Variants in NAA60 observed in about 807,000 individuals in gnomAD.
The protein encoded by NAA60 is N-alpha-acetyltransferase 60.
Under a neutral mutation model 26.1 loss-of-function variants are expected in NAA60, and 8 were observed. That is an observed-to-expected ratio of 0.31 (90% CI 0.18 to 0.55). The LOEUF (loss-of-function observed/expected upper bound fraction) is 0.55. Ranked by LOEUF, NAA60 falls within the 20% of genes least tolerant of loss-of-function variation. The pLI is 0.93. For missense variants in NAA60, 290 were observed against 311.3 expected (o/e 0.93, Z 0.51); for synonymous variants, 131 against 122.5 (o/e 1.07, Z -0.46).
At chr16:3,470,488 C>T (rs2036059361) in intron 2 of NAA60, among the ~76,000 whole-genome samples, 1 of 152,206 alleles carries the variant, frequency 6.6e-6, no homozygotes, top group Admixed American at 6.5e-5. Context: ...CCCACTTTTT[C>T]AGGACCTCTC....
At chr16:3,470,068 A>C (rs568487922) in intron 2 of NAA60, among the ~76,000 whole-genome samples, 4 of 152,272 alleles carry the variant, frequency 2.6e-5, no homozygotes, top group African/African-American at 9.6e-5. Flanking sequence ...TGGGCTCCAA[A>C]GTTAGTGGTT....
At chr16:3,482,459 A>G in intron 4 of NAA60, 43 bp from the exon 5 acceptor site, 2 of 1,495,178 alleles carry the variant, frequency 1.3e-6, no homozygotes, top group Middle Eastern at 1.7e-4. Flanking sequence ...TGAGCCGTGC[A>G]CCAGACGTGT....
Position 3,448,454 on chromosome 16 carries a change from G to A in NAA60, c.-76-17G>A. The A allele has an allele frequency of 6.5e-7, 1 of 1,535,032 alleles. No homozygotes were observed. The highest frequency in any genetic ancestry group is 8.7e-7 in the Non-Finnish European group (1 of 1,146,444). ...GCCAGGAGTGAAGTGATGGCCTTGTGTCTTTCTCCCCTGCAGCATACAGAA... is the reference window on the plus strand; with the variant it reads ...GCCAGGAGTGAAGTGATGGCCTTGTATCTTTCTCCCCTGCAGCATACAGAA... On this transcript the variant is annotated splice_polypyrimidine_tract_variant and intron_variant, in intron 1 of 7. Coordinates refer to ENST00000407558, the MANE Select transcript of NAA60 (RefSeq NM_001083601.3).
chr16:3,482,054 A>G (rs1404914548), intron 4 of NAA60, among the ~76,000 whole-genome samples: 1 of 152,072 alleles, frequency 6.6e-6, no homozygotes, highest in Non-Finnish European at 1.5e-5. Context: ...CTCCTCCAAG[A>G]TCACCTGGGG....
intron 2 of NAA60, chr16:3,457,843 G>C: frequency 2.4e-6 from 1 of 417,274 alleles, no homozygotes; most frequent in Non-Finnish European, 3.2e-6. Flanking sequence ...GAGGGACAGG[G>C]AAGGAGCCGG....
At chr16:3,449,043 T>C (rs1657831147) in intron 2 of NAA60, 1 of 152,420 alleles carries the variant, frequency 6.6e-6, no homozygotes, top group African/African-American at 2.4e-5. Context: ...AGAATTTCTT[T>C]TGTTAAAAAT....
chr16:3,480,706 C>G (rs1031081675), intron 4 of NAA60, among the ~76,000 whole-genome samples: 1 of 151,708 alleles, frequency 6.6e-6, no homozygotes, highest in Non-Finnish European at 1.5e-5. Flanking sequence ...AGTTCGAGAC[C>G]AGCCTGGCCA....
At position 3,473,707 on chromosome 16, in the gene NAA60, T is replaced by TTTGTTGTTG. The variant is rs199845048; in HGVS notation, c.-6-2482_-6-2474dup. ...GAGCCACCATGCTTGGCCCCAGCTTTTTGTTGTTGTTGTTGTTGTTGTTGT... is the reference window on the plus strand; with the variant it reads ...GAGCCACCATGCTTGGCCCCAGCTTTTTGTTGTTGTTGTTGTTGTTGTTGTTGTTGTTGT... On this transcript the variant is annotated intron_variant, in intron 2 of 7. Transcript: ENST00000407558. 2.7e-3 allele frequency among the ~76,000 whole-genome samples: 389 copies of TTTGTTGTTG among 145,902 alleles called. 2 individuals are homozygous for TTTGTTGTTG. Among genetic ancestry groups the TTTGTTGTTG allele is most frequent in the African/African-American group, 6.4e-3 (242 of 37,632 alleles).
rs779330460 is a variant in NAA60, at chr16:3,459,809, A to C, written c.-7+11269A>C. Among the ~76,000 whole-genome samples, 11 of 152,322 alleles carry C rather than the reference A, an allele frequency of 7.2e-5. No individual in the cohort carries two copies. In the East Asian group the frequency reaches 2.1e-3, roughly 29 times the overall value. On this transcript the variant is annotated intron_variant, in intron 2 of 7. Transcript: ENST00000407558. ...TTTAGCCTCTCCTGGTTGTAACTTGAAGTGACTTTGTTGCCGTGTTTGTTT... is the reference window on the plus strand; with the variant it reads ...TTTAGCCTCTCCTGGTTGTAACTTGCAGTGACTTTGTTGCCGTGTTTGTTT...
chr16:3,475,459 C>T lies in NAA60; in HGVS notation c.-6-763C>T, dbSNP rs993373777. On this transcript the variant is annotated intron_variant, in intron 2 of 7. Transcript: ENST00000407558. Reference sequence around the variant, plus strand: ...GGCTTCTGTTTTCCCCTTCTCGGTGCCCAGCACTTGGCCGGCCAGCCTTCC... The same window carrying T: ...GGCTTCTGTTTTCCCCTTCTCGGTGTCCAGCACTTGGCCGGCCAGCCTTCC... 2.0e-5 allele frequency among the ~76,000 whole-genome samples: 3 copies of T among 152,068 alleles called. No homozygotes were observed. The South Asian group carries it at 6.2e-4, about 32-fold the overall frequency.
chr16:3,483,889 G>C, intron 6 of NAA60: 1 of 416,064 alleles, frequency 2.4e-6, no homozygotes, highest in Non-Finnish European at 4.3e-6. Flanking sequence ...CCTGCACCCA[G>C]CTGGAGAGCC....
Position 3,484,985 on chromosome 16 carries a change from C to T in NAA60, c.*130C>T. The T allele has an allele frequency of 1.1e-5, 17 of 1,528,244 alleles. No individual in the cohort carries two copies. The highest frequency in any genetic ancestry group is 1.3e-5 in the Non-Finnish European group (15 of 1,139,910). The allele number at this position is 1,528,244 out of a possible 1,614,324, so 94.7% of individuals were successfully genotyped here. ...TCTAACTGGGCTCGTCGGCCTGCCC[C>T]AGCTGCAGGCCCGGTGCTACACGGG... On this transcript the variant is annotated 3_prime_UTR_variant, in exon 7 of 8. Transcript: ENST00000407558.
At chr16:3,461,193 A>G (rs764654495) in intron 2 of NAA60, among the ~76,000 whole-genome samples, 33 of 152,174 alleles carry the variant, frequency 2.2e-4, no homozygotes, top group Non-Finnish European at 4.4e-4. Flanking sequence ...CGGGCATATA[A>G]TAGGATTAAC....
In NAA60 at chr16:3,485,965, A is replaced by AC; in HGVS notation, c.*706dup. On this transcript the variant is annotated 3_prime_UTR_variant, in exon 8 of 8. Coordinates refer to ENST00000407558, the MANE Select transcript of NAA60 (RefSeq NM_001083601.3). ...AGTTACCAGTGCCCTGGGAGGTCAC[A>AC]CTGCCCGTCGGACCTTGGCATGCTC... 1 of 293,816 alleles carries AC rather than the reference A, an allele frequency of 3.4e-6. No individual in the cohort carries two copies. The highest frequency in any genetic ancestry group is 6.7e-6 in the Non-Finnish European group (1 of 148,180). The allele number at this position is 293,816 out of a possible 1,614,324, so 18.2% of individuals were successfully genotyped here.
chr16:3,468,871 G>A lies in NAA60; in HGVS notation c.-6-7351G>A, dbSNP rs192419138. 9.2e-5 allele frequency among the ~76,000 whole-genome samples: 14 copies of A among 152,304 alleles called. No individual in the cohort carries two copies. The East Asian group carries it at 2.7e-3, about 29-fold the overall frequency. ...CAGGTGGATCACGAGGTTAGGGATC[G>A]AGACCATCCTGGCCAACATTGGCCT... On this transcript the variant is annotated intron_variant, in intron 2 of 7. Coordinates refer to ENST00000407558, the MANE Select transcript of NAA60 (RefSeq NM_001083601.3).
rs573337449 is a variant in NAA60 at position 3,455,328 on chromosome 16, C to A, written c.-7+6788C>A. Reference sequence around the variant, plus strand: ...TCAAGTGATCCACCCGCGTCAGCCTCCCAAAGTGCTGGGATTACAGGCATG... The same window carrying A: ...TCAAGTGATCCACCCGCGTCAGCCTACCAAAGTGCTGGGATTACAGGCATG... On this transcript the variant is annotated intron_variant, in intron 2 of 7. Transcript: ENST00000407558. Among the ~76,000 whole-genome samples the A allele has an allele frequency of 7.2e-5, 11 of 152,116 alleles. No homozygotes were observed. In the East Asian group the frequency reaches 2.1e-3, roughly 29 times the overall value.
intron 2 of NAA60, among the ~76,000 whole-genome samples, chr16:3,460,620 C>T (rs982326673): frequency 6.6e-6 from 1 of 152,226 alleles, no homozygotes; most frequent in African/African-American, 2.4e-5. Context: ...CCGCCTCAGC[C>T]TCCCAAAGTT....
At chr16:3,465,077 C>G (rs547209981) in intron 2 of NAA60, among the ~76,000 whole-genome samples, 2 of 150,520 alleles carry the variant, frequency 1.3e-5, no homozygotes, top group South Asian at 2.1e-4. Context: ...ACCATCCTGG[C>G]TAACAGGGTG....
intron 2 of NAA60, among the ~76,000 whole-genome samples, chr16:3,453,416 A>AT (rs1567364239): frequency 2.0e-5 from 3 of 151,004 alleles, no homozygotes; most frequent in Non-Finnish European, 3.0e-5. Flanking sequence ...CATGAAAAAA[A>AT]ATTTTTTTTT....
Sources: allele counts gnomAD v4.1 joint callset (sites outside exome capture counted in the v4.1 genomes callset), GRCh38; gene constraint gnomAD v4.1.1; transcripts MANE v1.5; gene names NCBI Gene and HGNC (gene_info 2026-07-23, HGNC 2026-07-21).